GTF2F2: variants seen among roughly 807,000 people sequenced by gnomAD.
GTF2F2 encodes general transcription factor IIF subunit 2, also known as ATP-dependent helicase GTF2F2.
GTF2F2 carries 23 observed loss-of-function variants against 42.2 expected under a neutral mutation model. That is an observed-to-expected ratio of 0.55 (90% CI 0.39 to 0.77). GTF2F2 has a LOEUF of 0.77. GTF2F2 is among the 30% of genes least tolerant of loss of function. The pLI is 0.00. For synonymous variants in GTF2F2, 105 were observed against 100.8 expected, an observed-to-expected ratio of 1.04 and a Z score of -0.25; for missense variants, 261 against 287.2, an observed-to-expected ratio of 0.91 and a Z score of 0.66.
At chr13:45,259,828 G>A (rs2138255751) in intron 6 of GTF2F2, among the ~76,000 whole-genome samples, 1 of 151,872 alleles carries the variant, frequency 6.6e-6, no homozygotes, top group South Asian at 2.1e-4. Context: ...TGGCCAATGT[G>A]ATCCACCCAT....
intron 5 of GTF2F2, among the ~76,000 whole-genome samples, 161 bp downstream of exon 5, chr13:45,207,666 C>A (rs1036004213): frequency 2.0e-5 from 3 of 152,086 alleles, no homozygotes; most frequent in African/African-American, 7.2e-5. Context: ...TTCTTTGGCA[C>A]TAAAGAAATT....
chr13:45,232,935 T>G (rs1383567726), intron 5 of GTF2F2, among the ~76,000 whole-genome samples: 2 of 152,234 alleles, frequency 1.3e-5, no homozygotes, highest in African/African-American at 4.8e-5. Context: ...TGTTTACAGT[T>G]TCAAGAATCT....
rs1870033118 is a variant in GTF2F2 at position 45,143,468 on chromosome 13, A to G, written c.141-6302A>G. On this transcript the variant is annotated intron_variant, in intron 2 of 7. Coordinates refer to ENST00000340473, the MANE Select transcript of GTF2F2 (RefSeq NM_004128.3). The stretch of plus-strand genomic sequence containing the variant: ...TCTGAGGAGATGATATTAATACCTC[A>G]TAGGTTCAAATGCATGTAAAATACG... Among the ~76,000 whole-genome samples the G allele has an allele frequency of 2.0e-5, 3 of 152,336 alleles. No homozygotes were observed. The South Asian group carries it at 6.2e-4, about 32-fold the overall frequency.
intron 4 of GTF2F2, among the ~76,000 whole-genome samples, chr13:45,153,742 C>A (rs951230946): frequency 1.3e-5 from 2 of 151,930 alleles, no homozygotes; most frequent in South Asian, 4.2e-4. Flanking sequence ...CTTTGGGAGG[C>A]CAAGGTGGGC....
At chr13:45,222,792 T>C (rs1467607074) in intron 5 of GTF2F2, among the ~76,000 whole-genome samples, 3 of 152,198 alleles carry the variant, frequency 2.0e-5, no homozygotes, top group African/African-American at 7.2e-5. Flanking sequence ...ACATGCAACA[T>C]CCTGTGTAGT....
At chr13:45,151,155 T>C (rs1360587644) in intron 3 of GTF2F2, among the ~76,000 whole-genome samples, 3 of 152,248 alleles carry the variant, frequency 2.0e-5, no homozygotes, top group Admixed American at 1.3e-4. Flanking sequence ...GAGTCCCCAA[T>C]GTCTGTTGTT....
intron 5 of GTF2F2, among the ~76,000 whole-genome samples, chr13:45,217,653 C>A (rs193265655): frequency 2.6e-4 from 39 of 152,254 alleles, no homozygotes; most frequent in African/African-American, 7.7e-4. Flanking sequence ...GTTTAAAATT[C>A]AAATTATAAG....
intron 5 of GTF2F2, among the ~76,000 whole-genome samples, chr13:45,229,284 T>C (rs577835290): frequency 6.6e-5 from 10 of 152,130 alleles, no homozygotes; most frequent in African/African-American, 2.4e-4. Context: ...TACCACCCTT[T>C]TTTTTGCCCC....
chr13:45,185,790 GTCTC>G (rs1048958772), intron 4 of GTF2F2, among the ~76,000 whole-genome samples: 12 of 152,042 alleles, frequency 7.9e-5, no homozygotes, highest in Non-Finnish European at 1.0e-4. Flanking sequence ...TCTGTTTGGT[GTCTC>G]TCTCCAGTTA....
chr13:45,176,810 G>A (rs1253362756), intron 4 of GTF2F2, among the ~76,000 whole-genome samples: 1 of 151,236 alleles, frequency 6.6e-6, no homozygotes, highest in African/African-American at 2.4e-5. Context: ...TTTTTGGGGG[G>A]GACGGTCTCG....
At chr13:45,146,091 A>T (rs1268501619) in intron 2 of GTF2F2, among the ~76,000 whole-genome samples, 2 of 151,906 alleles carry the variant, frequency 1.3e-5, no homozygotes, top group Admixed American at 6.6e-5. Flanking sequence ...TCTTCACCCC[A>T]TTTGGACTAT....
chr13:45,257,288 C>A (rs1472614298), intron 6 of GTF2F2, among the ~76,000 whole-genome samples: 1 of 152,160 alleles, frequency 6.6e-6, no homozygotes, highest in Non-Finnish European at 1.5e-5. Flanking sequence ...CATCTTCTTA[C>A]TAGGATATGA....
chr13:45,198,662 A>G (rs530979888), intron 4 of GTF2F2, among the ~76,000 whole-genome samples: 1 of 152,164 alleles, frequency 6.6e-6, no homozygotes, highest in African/African-American at 2.4e-5. Context: ...TTTTACTTAA[A>G]TCTGACAGTA....
At chr13:45,194,644 C>A in intron 4 of GTF2F2, 1 of 1,306,634 alleles carries the variant, frequency 7.7e-7, no homozygotes, top group Non-Finnish European at 1.1e-6. Context: ...CACAAGCACG[C>A]CTTTATTCAG....
At chr13:45,258,936 CTG>C (rs1434015797) in intron 6 of GTF2F2, among the ~76,000 whole-genome samples, 1 of 152,214 alleles carries the variant, frequency 6.6e-6, no homozygotes, top group Non-Finnish European at 1.5e-5. Context: ...AAGGGCGACT[CTG>C]TGTGTTCTGG....
At chr13:45,260,855 C>T (rs1876309376) in intron 6 of GTF2F2, among the ~76,000 whole-genome samples, 1 of 152,042 alleles carries the variant, frequency 6.6e-6, no homozygotes, top group Non-Finnish European at 1.5e-5. Context: ...TATAGCCAGA[C>T]CTACCTCTTC....
At chr13:45,207,403 C>A in intron 4 of GTF2F2, 21 bp from the exon 5 acceptor site, 13 of 1,463,630 alleles carry the variant, frequency 8.9e-6, no homozygotes, top group Non-Finnish European at 1.2e-5. Context: ...ATCTCTGAAT[C>A]CTTTTTTTTT....
At chr13:45,131,631 C>A (rs1388912402) in intron 1 of GTF2F2, among the ~76,000 whole-genome samples, 2 of 152,004 alleles carry the variant, frequency 1.3e-5, no homozygotes, top group African/African-American at 4.8e-5. Context: ...GAGGACCAGG[C>A]ACGGTGGCTC....
At chr13:45,241,545 A>T (rs1875309695) in intron 5 of GTF2F2, among the ~76,000 whole-genome samples, 1 of 148,418 alleles carries the variant, frequency 6.7e-6, no homozygotes, top group South Asian at 2.1e-4. Flanking sequence ...GCGAATTCTT[A>T]ATTTTATTTA....
Sources: gnomAD v4.1 joint callset for allele counts (sites outside exome capture counted in the v4.1 genomes callset) on GRCh38, gnomAD v4.1.1 for gene constraint, MANE v1.5 for transcripts, NCBI Gene and HGNC (gene_info 2026-07-23, HGNC 2026-07-21) for gene names.